ABL2: variants seen among roughly 807,000 people sequenced by gnomAD.
ABL2 encodes the protein tyrosine-protein kinase ABL2.
A neutral mutation model predicts 107.7 loss-of-function variants in ABL2; 49 were observed. The ratio of observed to expected loss-of-function variants is 0.45; its 90% CI spans 0.36 to 0.58. ABL2 has a LOEUF of 0.58. Among genes scored for constraint, ABL2 ranks in the 20% least tolerant of loss-of-function variants. The pLI, the probability that ABL2 is intolerant of heterozygous loss-of-function variation, is 0.00. For missense variants in ABL2, 1,245 were observed against 1,457.0 expected, an observed-to-expected ratio of 0.85 and a Z score of 2.37; for synonymous variants, 549 against 548.6, an observed-to-expected ratio of 1.00 and a Z score of -0.01.
At chr1:179,228,618 C>T in intron 1 of ABL2, among the ~76,000 whole-genome samples, 1 of 152,136 alleles carries the variant, frequency 6.6e-6, no homozygotes. Flanking sequence ...AGTACAGAGG[C>T]TTTGGCAAAG....
intron 1 of ABL2, among the ~76,000 whole-genome samples, chr1:179,187,401 C>G (rs556303775): frequency 4.6e-5 from 7 of 152,140 alleles, no homozygotes; most frequent in African/African-American, 1.2e-4. Flanking sequence ...ATTGGAGAAA[C>G]CAAAGAAGTT....
In ABL2 at chr1:179,107,556, T is replaced by C; in HGVS notation, c.*162A>G. 1 of 1,381,270 alleles carries C rather than the reference T, an allele frequency of 7.2e-7. No individual in the cohort carries two copies. Among genetic ancestry groups the C allele is most frequent in the Non-Finnish European group, 9.5e-7 (1 of 1,048,452 alleles). 85.6% of individuals were successfully genotyped at this position (1,381,270 alleles called of 1,614,324 possible). On this transcript the variant is annotated 3_prime_UTR_variant, in exon 12 of 12. Transcript: ENST00000502732. ...ACTTATGTGGTTTGCTTCTTATTTT[T>C]GAGATGAAACTGTAAACGTGAGAAC...
chr1:179,166,941 T>C (rs747419881), intron 1 of ABL2, among the ~76,000 whole-genome samples: 4 of 152,154 alleles, frequency 2.6e-5, no homozygotes, highest in Admixed American at 6.6e-5. Flanking sequence ...GGAAATCTCA[T>C]ATGCTGTTGG....
chr1:179,161,839 C>T (rs1005741135), intron 1 of ABL2, among the ~76,000 whole-genome samples: 10 of 152,096 alleles, frequency 6.6e-5, no homozygotes, highest in Non-Finnish European at 1.5e-5. Flanking sequence ...GAGATGGGGC[C>T]TAATGGGAGG....
intron 1 of ABL2, among the ~76,000 whole-genome samples, chr1:179,153,517 G>A (rs976426040): frequency 2.0e-5 from 3 of 152,092 alleles, no homozygotes; most frequent in East Asian, 3.9e-4. Context: ...CCAACCCATC[G>A]TCAAGGCCAG....
At position 179,136,137 on chromosome 1, in the gene ABL2, C is replaced by T. The variant is rs564905300; in HGVS notation, c.158-2763G>A. 4.1e-4 allele frequency among the ~76,000 whole-genome samples: 62 copies of T among 151,504 alleles called. No individual in the cohort carries two copies. The East Asian group carries it at 0.01, about 25-fold the overall frequency. ...GCCACCCCGTCCGGGAGGTGAGGGG[C>T]GCCTCTGCCCGGCTGCCCCTACTGG... On this transcript the variant is annotated intron_variant, in intron 1 of 11. Coordinates refer to ENST00000502732, the MANE Select transcript of ABL2 (RefSeq NM_007314.4).
intron 1 of ABL2, among the ~76,000 whole-genome samples, chr1:179,189,729 C>T (rs1171347727): frequency 6.6e-6 from 1 of 152,134 alleles, no homozygotes; most frequent in Non-Finnish European, 1.5e-5. Flanking sequence ...CCTCCACACA[C>T]CAAGCAAGCA....
intron 1 of ABL2, among the ~76,000 whole-genome samples, chr1:179,138,488 G>A (rs1657249698): frequency 6.6e-6 from 1 of 152,188 alleles, no homozygotes; most frequent in Non-Finnish European, 1.5e-5. Flanking sequence ...CTGGGCTTCA[G>A]AATATAAAGA....
intron 1 of ABL2, among the ~76,000 whole-genome samples, chr1:179,139,243 T>C (rs565909688): frequency 5.3e-5 from 8 of 152,204 alleles, no homozygotes; most frequent in Admixed American, 5.2e-4. Context: ...GATCTGCAGC[T>C]TCACTCCTGA....
rs760268419 is a variant in ABL2 at position 179,106,439 on chromosome 1, A to G, written c.*1279T>C. ...ATAGAAGTGAAATGACAAAATAAAT[A>G]AAGAATATTCCCAATAAGATCTGTA... On this transcript the variant is annotated 3_prime_UTR_variant, in exon 12 of 12. Coordinates refer to ENST00000502732, the MANE Select transcript of ABL2 (RefSeq NM_007314.4). 43 of 232,606 alleles carry G rather than the reference A, an allele frequency of 1.8e-4. No homozygotes were observed. The highest frequency in any genetic ancestry group is 3.2e-4 in the Non-Finnish European group (38 of 117,722). The allele number at this position is 232,606 out of a possible 1,614,324, so 14.4% of individuals were successfully genotyped here.
chr1:179,201,757 C>A, intron 1 of ABL2: 1 of 814,764 alleles, frequency 1.2e-6, no homozygotes, highest in Non-Finnish European at 2.0e-6. Context: ...GACCTTCCCA[C>A]CAATAGGGAA....
At chr1:179,173,358 ATTT>A (rs554479137) in intron 1 of ABL2, among the ~76,000 whole-genome samples, 232 of 106,122 alleles carry the variant, frequency 2.2e-3, no homozygotes, top group African/African-American at 3.8e-3. Context: ...AAAGGCTGTA[ATTT>A]TTTTTTTTTT....
intron 1 of ABL2, among the ~76,000 whole-genome samples, chr1:179,154,999 T>A (rs1188266325): frequency 6.6e-6 from 1 of 152,214 alleles, no homozygotes; most frequent in Non-Finnish European, 1.5e-5. Flanking sequence ...AGACAGGCAT[T>A]ATTATCATAA....
At chr1:179,143,752 A>G (rs1459555394) in intron 1 of ABL2, among the ~76,000 whole-genome samples, 1 of 152,250 alleles carries the variant, frequency 6.6e-6, no homozygotes, top group Non-Finnish European at 1.5e-5. Context: ...GCTGGAAGGC[A>G]GTGGCGCGAT....
At chr1:179,186,360 C>A (rs1437913461) in intron 1 of ABL2, among the ~76,000 whole-genome samples, 1 of 151,998 alleles carries the variant, frequency 6.6e-6, no homozygotes, top group African/African-American at 2.4e-5. Context: ...GGTTTATCAG[C>A]CATTTCAACT....
At chr1:179,220,712 G>A (rs1203934116) in intron 1 of ABL2, among the ~76,000 whole-genome samples, 4 of 152,184 alleles carry the variant, frequency 2.6e-5, no homozygotes, top group African/African-American at 9.7e-5. Flanking sequence ...CTGAAAGTCT[G>A]GTTTTCAGTA....
chr1:179,176,894 C>T (rs1373579363), intron 1 of ABL2, among the ~76,000 whole-genome samples: 2 of 151,774 alleles, frequency 1.3e-5, no homozygotes. Flanking sequence ...TGGGGTTTTG[C>T]CATGTTGGTC....
At chr1:179,167,359 A>G (rs769996573) in intron 1 of ABL2, among the ~76,000 whole-genome samples, 16 of 152,210 alleles carry the variant, frequency 1.1e-4, no homozygotes, top group Non-Finnish European at 1.9e-4. Context: ...AGTTGATCTC[A>G]TGGAGCGAGA....
intron 1 of ABL2, among the ~76,000 whole-genome samples, chr1:179,179,436 CAA>C (rs1393798869): frequency 1.3e-5 from 2 of 150,690 alleles, no homozygotes; most frequent in Non-Finnish European, 3.0e-5. Context: ...TATTAGGAAA[CAA>C]GAGCAACAGC....
Sources: gnomAD v4.1 joint callset for allele counts (sites outside exome capture counted in the v4.1 genomes callset) on GRCh38, gnomAD v4.1.1 for gene constraint, MANE v1.5 for transcripts, NCBI Gene and HGNC (gene_info 2026-07-23, HGNC 2026-07-21) for gene names.